The following SPATA16 variants were observed in gnomAD, a reference collection of about 807,000 sequenced individuals.
SPATA16 encodes the protein spermatogenesis associated 16, also known as spermatogenesis-associated protein 16.
SPATA16 carries 36 observed loss-of-function variants against 63.3 expected under a neutral mutation model. The observed-to-expected ratio is 0.57, with a 90% CI of 0.44 to 0.75. The LOEUF is 0.75. Ranked by LOEUF, SPATA16 falls within the 30% of genes least tolerant of loss-of-function variation. The probability of loss-of-function intolerance (pLI) is 0.00; values close to 1 mark genes in which losing one functional copy is unlikely to be tolerated. For synonymous variants in SPATA16, 203 were observed against 216.7 expected (o/e 0.94, Z 0.56); for missense variants, 646 against 679.3 (o/e 0.95, Z 0.54).
In SPATA16 at chr3:173,070,509, A is replaced by G. The variant is rs1284466838; in HGVS notation, c.613-21415T>C. ...AGGAACAAAGGGCATCCAAATTAGA[A>G]AGGAAGAAATCAAACTAGCCTTAGT... On this transcript the variant is annotated intron_variant, in intron 2 of 10. Transcript: ENST00000351008. Among the ~76,000 whole-genome samples, 3 of 152,188 alleles carry G rather than the reference A, an allele frequency of 2.0e-5. No homozygotes were observed. In the East Asian group the frequency reaches 5.8e-4, roughly 29 times the overall value.
intron 1 of SPATA16, among the ~76,000 whole-genome samples, chr3:173,138,087 CT>C (rs371865478): frequency 2.2e-4 from 34 of 152,046 alleles, no homozygotes; most frequent in African/African-American, 7.7e-4. Context: ...TAAATGCATA[CT>C]TTTTTTCTTG....
intron 6 of SPATA16, among the ~76,000 whole-genome samples, chr3:172,940,853 C>G (rs963703103): frequency 6.6e-6 from 1 of 151,722 alleles, no homozygotes; most frequent in East Asian, 1.9e-4. Context: ...CGTGGTGGCA[C>G]GTGCCTGTAA....
chr3:172,920,294 G>A lies in SPATA16; in HGVS notation c.1339-3813C>T, dbSNP rs78079493. Among the ~76,000 whole-genome samples the A allele has an allele frequency of 7.0e-3, 1,073 of 152,278 alleles. 13 individuals are homozygous for A. The highest frequency in any genetic ancestry group is 0.025 in the African/African-American group (1,033 of 41,562). On this transcript the variant is annotated intron_variant, in intron 8 of 10. Transcript: ENST00000351008. ...GGAAAAATGCTTTTTAAATTGCAGA[G>A]CACTATGCATGTGCTTCTCCTAAAC...
At chr3:173,068,839 G>A (rs1736593747) in intron 2 of SPATA16, among the ~76,000 whole-genome samples, 1 of 150,226 alleles carries the variant, frequency 6.7e-6, no homozygotes, top group Non-Finnish European at 1.5e-5. Flanking sequence ...GGCCGGGCGT[G>A]GTGGCTCACG....
intron 2 of SPATA16, among the ~76,000 whole-genome samples, chr3:173,114,756 G>A (rs1737850341): frequency 6.6e-6 from 1 of 152,180 alleles, no homozygotes; most frequent in Non-Finnish European, 1.5e-5. Flanking sequence ...TCAAAGCCAT[G>A]TTAGGACTTA....
chr3:172,949,047 G>A lies in SPATA16; in HGVS notation c.1081+7630C>T, dbSNP rs546943893. 2.0e-5 allele frequency among the ~76,000 whole-genome samples: 3 copies of A among 152,076 alleles called. No individual in the cohort carries two copies. In the South Asian group the frequency reaches 6.2e-4, roughly 32 times the overall value. On this transcript the variant is annotated intron_variant, in intron 6 of 10. Transcript: ENST00000351008. ...TGAACTTTAGGACATTAGTTACCTT[G>A]GTAGGGGGTAGGGAGTTGTTTGGGA... is the stretch of plus-strand genomic sequence containing the variant.
intron 6 of SPATA16, among the ~76,000 whole-genome samples, chr3:172,930,620 G>A (rs1478516134): frequency 2.2e-5 from 3 of 138,586 alleles, no homozygotes; most frequent in South Asian, 2.4e-4. Context: ...GTGCGGTGGC[G>A]CGATCTCAGC....
At chr3:172,946,203 AAGTACCCAGGG>A (rs1270266114) in intron 6 of SPATA16, among the ~76,000 whole-genome samples, 1 of 152,158 alleles carries the variant, frequency 6.6e-6, no homozygotes, top group Non-Finnish European at 1.5e-5. Flanking sequence ...TAAACATCAG[AAGTACCCAGGG>A]AGTACTCACC....
intron 3 of SPATA16, among the ~76,000 whole-genome samples, chr3:173,044,793 T>C (rs1440015960): frequency 6.6e-6 from 1 of 152,140 alleles, no homozygotes; most frequent in Non-Finnish European, 1.5e-5. Flanking sequence ...TTTTTCCCCC[T>C]GTGAGAGAAT....
At chr3:172,970,589 CATCTA>C (rs1300718590) in intron 5 of SPATA16, among the ~76,000 whole-genome samples, 1 of 152,136 alleles carries the variant, frequency 6.6e-6, no homozygotes, top group African/African-American at 2.4e-5. Context: ...TCTCAAATTA[CATCTA>C]ATCTAAATAC....
chr3:173,126,140 GTAA>G (rs1738222034), intron 1 of SPATA16, among the ~76,000 whole-genome samples: 1 of 152,166 alleles, frequency 6.6e-6, no homozygotes, highest in African/African-American at 2.4e-5. Flanking sequence ...TTGTTAGGGA[GTAA>G]ATAATTTATC....
intron 1 of SPATA16, among the ~76,000 whole-genome samples, chr3:173,140,518 T>C (rs1560137347): frequency 6.6e-6 from 1 of 152,178 alleles, no homozygotes; most frequent in Non-Finnish European, 1.5e-5. Context: ...CCAGGCATGA[T>C]GTTAGGATAC....
intron 4 of SPATA16, among the ~76,000 whole-genome samples, chr3:173,010,861 C>T (rs1005012857): frequency 1.3e-5 from 2 of 152,074 alleles, no homozygotes; most frequent in Non-Finnish European, 2.9e-5. Flanking sequence ...CTGCCCCTCC[C>T]CATTACAGCC....
At chr3:173,070,695 A>T (rs2108306941) in intron 2 of SPATA16, among the ~76,000 whole-genome samples, 1 of 152,340 alleles carries the variant, frequency 6.6e-6, no homozygotes, top group East Asian at 1.9e-4. Context: ...AAAAGAAACC[A>T]AGAAAGCAAT....
intron 4 of SPATA16, among the ~76,000 whole-genome samples, chr3:173,003,785 G>A (rs910200664): frequency 5.9e-5 from 9 of 152,230 alleles, no homozygotes; most frequent in East Asian, 5.8e-4. Flanking sequence ...AATGACAGCA[G>A]TAGCAGCAGC....
At chr3:172,973,056 A>G (rs1057380147) in intron 5 of SPATA16, among the ~76,000 whole-genome samples, 4 of 152,220 alleles carry the variant, frequency 2.6e-5, no homozygotes, top group Non-Finnish European at 5.9e-5. Context: ...GACTTTGTGA[A>G]TCAGGATTTT....
intron 5 of SPATA16, among the ~76,000 whole-genome samples, chr3:172,974,184 C>T (rs1043232060): frequency 3.3e-5 from 5 of 152,164 alleles, no homozygotes; most frequent in Middle Eastern, 3.4e-3. Context: ...TAAATATAGA[C>T]GTGTTCTCAA....
intron 4 of SPATA16, among the ~76,000 whole-genome samples, chr3:173,008,533 T>C (rs1734993397): frequency 6.6e-6 from 1 of 152,188 alleles, no homozygotes; most frequent in African/African-American, 2.4e-5. Context: ...TATTACTTGT[T>C]TAAAATATAT....
intron 3 of SPATA16, among the ~76,000 whole-genome samples, chr3:173,037,289 A>T (rs1479879420): frequency 3.9e-5 from 6 of 151,998 alleles, no homozygotes; most frequent in Non-Finnish European, 8.8e-5. Flanking sequence ...TTATTTTCAC[A>T]TTATTTTCTT....
Sources: allele counts gnomAD v4.1 joint callset (sites outside exome capture counted in the v4.1 genomes callset), GRCh38; gene constraint gnomAD v4.1.1; transcripts MANE v1.5; gene names NCBI Gene and HGNC (gene_info 2026-07-23, HGNC 2026-07-21).